GPC5: variants seen among roughly 807,000 people sequenced by gnomAD.
GPC5 encodes the protein glypican-5.
In GPC5, 47 loss-of-function variants were observed where a neutral mutation model predicts 53.9. The ratio of observed to expected loss-of-function variants is 0.87; its 90% CI spans 0.69 to 1.11. GPC5 has a LOEUF of 1.11. Among genes scored for constraint, GPC5 ranks in the 50% most tolerant of loss-of-function variants. GPC5 has a pLI of 0.00. For missense variants in GPC5, 748 were observed against 713.1 expected, an observed-to-expected ratio of 1.05 and a Z score of -0.56; for synonymous variants, 286 against 263.3, an observed-to-expected ratio of 1.09 and a Z score of -0.84.
At chr13:92,461,836 T>C (rs1878493782) in intron 7 of GPC5, among the ~76,000 whole-genome samples, 1 of 152,190 alleles carries the variant, frequency 6.6e-6, no homozygotes, top group Non-Finnish European at 1.5e-5. Context: ...AATAAACATT[T>C]GTTGTTTAAG....
chr13:92,171,438 T>G (rs7987760), intron 7 of GPC5, among the ~76,000 whole-genome samples: 1,911 of 152,316 alleles, frequency 0.013, 31 homozygotes, highest in African/African-American at 0.044. Context: ...TTTACTACTT[T>G]ATCCTATCAC....
chr13:92,485,387 G>C (rs1231220230), intron 7 of GPC5, among the ~76,000 whole-genome samples: 1 of 152,034 alleles, frequency 6.6e-6, no homozygotes, highest in African/African-American at 2.4e-5. Context: ...GAGAAAATAA[G>C]GTGAGTGCAA....
chr13:92,712,754 T>A (rs1888181711), intron 7 of GPC5, among the ~76,000 whole-genome samples: 1 of 152,176 alleles, frequency 6.6e-6, no homozygotes, highest in Non-Finnish European at 1.5e-5. Context: ...TGTGGCTGAT[T>A]TTTTGAGATA....
At chr13:92,473,868 G>A (rs1878999971) in intron 7 of GPC5, among the ~76,000 whole-genome samples, 1 of 152,112 alleles carries the variant, frequency 6.6e-6, no homozygotes, top group South Asian at 2.1e-4. Context: ...TTGCCTTAGT[G>A]TGTATATCAC....
In GPC5 at chr13:92,228,171, G is replaced by C. The variant is rs780277424; in HGVS notation, c.1561+83182G>C. Among the ~76,000 whole-genome samples, 4 of 148,362 alleles carry C rather than the reference G, an allele frequency of 2.7e-5. No individual in the cohort carries two copies. In the South Asian group the frequency reaches 8.6e-4, roughly 32 times the overall value. ...ATGGAGAAGATGGAAGGCGAAGAAG[G>C]AGAGGCAGGCACACTTGGTGTAACT... is the stretch of plus-strand genomic sequence containing the variant. On this transcript the variant is annotated intron_variant, in intron 7 of 7. Transcript: ENST00000377067.
chr13:92,061,107 A>G (rs1282281380), intron 6 of GPC5, among the ~76,000 whole-genome samples: 1 of 151,960 alleles, frequency 6.6e-6, no homozygotes, highest in Non-Finnish European at 1.5e-5. Context: ...TAGATAATAC[A>G]TAGCACTTTA....
intron 4 of GPC5, among the ~76,000 whole-genome samples, chr13:91,733,673 G>A (rs190770925): frequency 2.2e-3 from 341 of 152,258 alleles, no homozygotes; most frequent in Middle Eastern, 0.01. Context: ...TTTGCACAAT[G>A]ATTTTTTTAT....
intron 6 of GPC5, among the ~76,000 whole-genome samples, chr13:92,080,479 A>G (rs1200615687): frequency 6.6e-6 from 1 of 152,116 alleles, no homozygotes; most frequent in African/African-American, 2.4e-5. Flanking sequence ...TTTTGAATTT[A>G]TTTTCTGAAT....
intron 5 of GPC5, among the ~76,000 whole-genome samples, chr13:91,797,216 CCCCTTT>C (rs2038060552): frequency 6.6e-6 from 1 of 152,090 alleles, no homozygotes; most frequent in African/African-American, 2.4e-5. Context: ...TAGATTACTT[CCCCTTT>C]CTGTGTACTC....
chr13:91,652,562 G>A (rs1261268840), intron 2 of GPC5, among the ~76,000 whole-genome samples: 1 of 152,244 alleles, frequency 6.6e-6, no homozygotes, highest in African/African-American at 2.4e-5. Flanking sequence ...GCAACTAAAC[G>A]CAGGTAGGAT....
chr13:91,684,299 CCTG>C (rs2035573434), intron 2 of GPC5, among the ~76,000 whole-genome samples: 1 of 152,136 alleles, frequency 6.6e-6, no homozygotes, highest in African/African-American at 2.4e-5. Context: ...TTCAACTTTT[CCTG>C]AGACTCCAAT....
intron 5 of GPC5, among the ~76,000 whole-genome samples, chr13:91,869,217 G>A (rs2039117501): frequency 1.3e-5 from 2 of 151,938 alleles, no homozygotes; most frequent in South Asian, 2.1e-4. Flanking sequence ...CTGCCACCAC[G>A]ACTGGCTAAT....
chr13:92,833,777 A>C (rs1878130514), intron 7 of GPC5, among the ~76,000 whole-genome samples: 1 of 152,196 alleles, frequency 6.6e-6, no homozygotes, highest in Non-Finnish European at 1.5e-5. Flanking sequence ...AAGATGAGAG[A>C]GGGAAGGTGA....
At chr13:91,547,173 A>G (rs975154056) in intron 2 of GPC5, among the ~76,000 whole-genome samples, 7 of 152,068 alleles carry the variant, frequency 4.6e-5, no homozygotes, top group Admixed American at 3.3e-4. Flanking sequence ...AAAATTAGAT[A>G]CATCTTGTGA....
intron 7 of GPC5, among the ~76,000 whole-genome samples, chr13:92,553,307 T>G (rs1882384246): frequency 6.6e-6 from 1 of 151,988 alleles, no homozygotes; most frequent in Non-Finnish European, 1.5e-5. Flanking sequence ...AAAACTAATT[T>G]CTGTTCCATT....
intron 7 of GPC5, among the ~76,000 whole-genome samples, chr13:92,679,682 C>A (rs934340296): frequency 5.3e-5 from 8 of 151,948 alleles, no homozygotes; most frequent in African/African-American, 1.9e-4. Flanking sequence ...GTATGTGTTT[C>A]CTGTTCCCTT....
intron 7 of GPC5, among the ~76,000 whole-genome samples, chr13:92,681,330 G>C (rs1324565460): frequency 6.6e-6 from 1 of 151,706 alleles, no homozygotes; most frequent in African/African-American, 2.4e-5. Context: ...CTTCCTTTTA[G>C]ATCTTTTTTT....
chr13:92,797,963 T>C (rs1464286764), intron 7 of GPC5, among the ~76,000 whole-genome samples: 1 of 151,872 alleles, frequency 6.6e-6, no homozygotes, highest in Non-Finnish European at 1.5e-5. Context: ...GAATATGGAA[T>C]GCAAAGTATG....
intron 5 of GPC5, among the ~76,000 whole-genome samples, chr13:91,822,194 A>G (rs1320448572): frequency 6.6e-6 from 1 of 152,206 alleles, no homozygotes; most frequent in East Asian, 1.9e-4. Flanking sequence ...GTTACAGTCA[A>G]CTATAAGCCA....
Sources: allele counts gnomAD v4.1 joint callset (sites outside exome capture counted in the v4.1 genomes callset), GRCh38; gene constraint gnomAD v4.1.1; transcripts MANE v1.5; gene names NCBI Gene and HGNC (gene_info 2026-07-23, HGNC 2026-07-21).